CD96: variants seen among roughly 807,000 people sequenced by gnomAD.
CD96 encodes CD96 molecule.
CD96 carries 70 observed loss-of-function variants against 71.3 expected under a neutral mutation model. That is an observed-to-expected ratio of 0.98 (90% CI 0.81 to 1.20). CD96 has a LOEUF of 1.20. Among genes scored for constraint, CD96 ranks in the 50% most tolerant of loss-of-function variants. The probability of loss-of-function intolerance (pLI) is 0.00; values close to 1 mark genes in which losing one functional copy is unlikely to be tolerated. For synonymous variants in CD96, 248 were observed against 233.0 expected, an observed-to-expected ratio of 1.06 and a Z score of -0.59; for missense variants, 742 against 677.5, an observed-to-expected ratio of 1.10 and a Z score of -1.06.
At position 111,567,587 on chromosome 3, in the gene CD96, A is replaced by G; in HGVS notation, c.483A>G (p.Ile161Met). 1 of 1,609,542 alleles carries G rather than the reference A, an allele frequency of 6.2e-7. No homozygotes were observed. Among genetic ancestry groups the G allele is most frequent in the East Asian group, 2.2e-5 (1 of 44,866 alleles). The change falls in exon 3 of 14, where the codon ATA (isoleucine) becomes ATG (methionine). Residue 161 changes from isoleucine (I) to methionine (M), a missense_variant. Transcript: ENST00000352690. ...TAGAGATAAATCAGACTCTGGAAAT[A>G]CCATGCTTTCAAAATAGCTCCTCAA... ...IEIEINQTLE[I>M]PCFQNSSSKI...
chr3:111,620,306 T>C (rs1263239782), intron 8 of CD96, among the ~76,000 whole-genome samples: 1 of 152,206 alleles, frequency 6.6e-6, no homozygotes, highest in Non-Finnish European at 1.5e-5. Flanking sequence ...GCACAGTGCC[T>C]GAAATTTAGA....
At chr3:111,603,853 A>G (rs1937554066) in intron 7 of CD96, among the ~76,000 whole-genome samples, 3 of 152,232 alleles carry the variant, frequency 2.0e-5, no homozygotes, top group Admixed American at 2.0e-4. Context: ...GGTGTGGAAG[A>G]TGCCAGACAA....
intron 10 of CD96, among the ~76,000 whole-genome samples, chr3:111,635,899 C>A (rs1939303997): frequency 6.6e-6 from 1 of 152,124 alleles, no homozygotes; most frequent in Non-Finnish European, 1.5e-5. Flanking sequence ...TTATTCAGAA[C>A]AAACTTCCTT....
chr3:111,553,574 A>T (rs1241673297), intron 2 of CD96, among the ~76,000 whole-genome samples: 1 of 151,878 alleles, frequency 6.6e-6, no homozygotes, highest in Non-Finnish European at 1.5e-5. Context: ...GCCGAATAGA[A>T]ATATTCTATC....
intron 2 of CD96, among the ~76,000 whole-genome samples, chr3:111,559,259 G>A (rs1444233688): frequency 7.7e-6 from 1 of 129,478 alleles, no homozygotes; most frequent in Non-Finnish European, 1.7e-5. Flanking sequence ...GCTTTTGAAT[G>A]TGTTTGCTCT....
chr3:111,657,450 A>G lies in CD96; in HGVS notation c.*52+7592A>G, dbSNP rs142102655. On this transcript the variant is annotated intron_variant and NMD_transcript_variant, in intron 14 of 14. Coordinates refer to the CD96 transcript ENST00000494798. Reference sequence around the variant, plus strand: ...AAACCTAATTCAAGTAGCTAGGAACACAAAATTTGACTATATATTTGACTA... The same window carrying G: ...AAACCTAATTCAAGTAGCTAGGAACGCAAAATTTGACTATATATTTGACTA... Among the ~76,000 whole-genome samples, 489 of 152,058 alleles carry G rather than the reference A, an allele frequency of 3.2e-3. 2 individuals are homozygous for G. The highest frequency in any genetic ancestry group is 0.01 in the African/African-American group (435 of 41,490).
chr3:111,559,149 A>G (rs1417351503), intron 2 of CD96, among the ~76,000 whole-genome samples: 1 of 150,720 alleles, frequency 6.6e-6, no homozygotes, highest in Non-Finnish European at 1.5e-5. Context: ...TGATCCTTTC[A>G]AAAAACCAGC....
intron 10 of CD96, among the ~76,000 whole-genome samples, chr3:111,624,716 C>G (rs754889640): frequency 2.0e-5 from 3 of 152,142 alleles, no homozygotes; most frequent in Non-Finnish European, 4.4e-5. Context: ...AAAGGTCTTA[C>G]TGAGGAAGGT....
chr3:111,642,812 AAAAT>A (rs964027812), intron 12 of CD96, among the ~76,000 whole-genome samples: 7 of 151,974 alleles, frequency 4.6e-5, no homozygotes, highest in African/African-American at 1.7e-4. Context: ...GCCTAAAAAA[AAAAT>A]AAATAAATAA....
At chr3:111,571,220 G>T (rs1477807493) in intron 3 of CD96, among the ~76,000 whole-genome samples, 1 of 138,000 alleles carries the variant, frequency 7.2e-6, no homozygotes, top group African/African-American at 2.7e-5. Context: ...TTGGTTTTTG[G>T]TTTTTTTTTT....
At chr3:111,595,695 C>T (rs139465605) in intron 5 of CD96, among the ~76,000 whole-genome samples, 43 of 150,936 alleles carry the variant, frequency 2.8e-4, no homozygotes, top group African/African-American at 1.0e-3. Flanking sequence ...TAAATGTATA[C>T]ACACATATAT....
At chr3:111,583,362 G>A (rs1253003472) in intron 4 of CD96, among the ~76,000 whole-genome samples, 1 of 152,192 alleles carries the variant, frequency 6.6e-6, no homozygotes, top group Non-Finnish European at 1.5e-5. Context: ...AGTGTCTGCA[G>A]CTTTTTCAGG....
Position 111,545,402 on chromosome 3 carries a change from G to T in CD96, c.418G>T (p.Val140Phe). The T allele has an allele frequency of 6.5e-7, 1 of 1,547,348 alleles. No individual in the cohort carries two copies. The highest frequency in any genetic ancestry group is 8.9e-7 in the Non-Finnish European group (1 of 1,119,344). Residue 140 changes from valine (V) to phenylalanine (F), a missense_variant and splice_region_variant, in exon 2 of 14, where the codon GTT (valine) becomes TTT (phenylalanine). By Grantham distance (50) the Val-to-Phe change is conservative. Coordinates refer to ENST00000352690, the MANE Select transcript of CD96 (RefSeq NM_005816.5). ...CTACAACCTTCTCATTCAGACACAC[G>T]GTAAGCATAACTGGTAGAGGGATGT... ...KIYNLLIQTH[V>F]TADEWNSNHT...
At chr3:111,632,519 T>A (rs2107738982) in intron 10 of CD96, among the ~76,000 whole-genome samples, 1 of 152,296 alleles carries the variant, frequency 6.6e-6, no homozygotes, top group African/African-American at 2.4e-5. Context: ...ATACTGCTGG[T>A]GGAAGTGTAA....
intron 14 of CD96, among the ~76,000 whole-genome samples, chr3:111,664,908 T>C (rs1052205790): frequency 1.3e-5 from 2 of 152,242 alleles, no homozygotes; most frequent in Non-Finnish European, 2.9e-5. Context: ...AAAGTATTTA[T>C]AACTCCGATG....
At chr3:111,607,492 C>T (rs371062856) in intron 8 of CD96, among the ~76,000 whole-genome samples, 2 of 152,166 alleles carry the variant, frequency 1.3e-5, no homozygotes, top group African/African-American at 4.8e-5. Flanking sequence ...TAAATTCCCA[C>T]GTCTGTGGCT....
chr3:111,642,375 A>C (rs1200953053), intron 12 of CD96, among the ~76,000 whole-genome samples: 2 of 152,270 alleles, frequency 1.3e-5, no homozygotes, highest in Non-Finnish European at 2.9e-5. Flanking sequence ...CCCTTTATGC[A>C]CATAAACTAG....
chr3:111,568,299 G>T (rs1030747403), intron 3 of CD96, among the ~76,000 whole-genome samples: 3 of 152,134 alleles, frequency 2.0e-5, no homozygotes, highest in African/African-American at 7.2e-5. Flanking sequence ...TAAAAATGAT[G>T]TGTAGAGCAA....
At chr3:111,578,975 C>T in intron 3 of CD96, 52 bp from the exon 4 acceptor site, 1 of 893,612 alleles carries the variant, frequency 1.1e-6, no homozygotes, top group African/African-American at 1.6e-5. Context: ...ATGCCTAGTT[C>T]AGAGCTGGCA....
Sources: gnomAD v4.1 joint callset for allele counts (sites outside exome capture counted in the v4.1 genomes callset) on GRCh38, gnomAD v4.1.1 for gene constraint, MANE v1.5 for transcripts, NCBI Gene and HGNC (gene_info 2026-07-23, HGNC 2026-07-21) for gene names.